ELAPOR2: variants seen among roughly 807,000 people sequenced by gnomAD.
ELAPOR2 encodes endosome/lysosome-associated apoptosis and autophagy regulator family member 2.
Under a neutral mutation model 120.7 loss-of-function variants are expected in ELAPOR2, and 89 were observed. That is an observed-to-expected ratio of 0.74 (90% CI 0.62 to 0.88). ELAPOR2 has a LOEUF of 0.88. Among genes scored for constraint, ELAPOR2 ranks in the 40% least tolerant of loss-of-function variants. The pLI is 0.00. For synonymous variants in ELAPOR2, 444 were observed against 444.9 expected (o/e 1.00, Z 0.03); for missense variants, 1,134 against 1,251.6 (o/e 0.91, Z 1.42).
intron 1 of ELAPOR2, among the ~76,000 whole-genome samples, chr7:87,022,755 T>C: frequency 6.6e-6 from 1 of 150,772 alleles, no homozygotes; most frequent in African/African-American, 2.5e-5. Context: ...TTCCTGACTT[T>C]TTAATGATTG....
chr7:87,035,186 A>G (rs1022130237), intron 1 of ELAPOR2, among the ~76,000 whole-genome samples: 1 of 152,162 alleles, frequency 6.6e-6, no homozygotes. Flanking sequence ...TATACCCCTG[A>G]GCAGTCATTG....
At position 87,059,315 on chromosome 7, in the gene ELAPOR2, T is replaced by C. The variant is rs1416594336; in HGVS notation, c.189+10A>G. 3 of 1,248,124 alleles carry C rather than the reference T, an allele frequency of 2.4e-6. No individual in the cohort carries two copies. Among genetic ancestry groups the C allele is most frequent in the Non-Finnish European group, 3.0e-6 (3 of 988,442 alleles). The allele number at this position is 1,248,124 out of a possible 1,614,324, so 77.3% of individuals were successfully genotyped here. On this transcript the variant is annotated intron_variant, in intron 1 of 21. Coordinates refer to ENST00000450689, the MANE Select transcript of ELAPOR2 (RefSeq NM_001142749.3). ...AGCAAACTCCAGGTAGAGGACCAGG[T>C]GCTGCTCACCTCCTGGCAAGGAGGA...
chr7:87,000,479 ACT>A (rs1295277779), intron 1 of ELAPOR2, among the ~76,000 whole-genome samples: 1 of 152,070 alleles, frequency 6.6e-6, no homozygotes, highest in Non-Finnish European at 1.5e-5. Flanking sequence ...TCTGGCCCAG[ACT>A]CTGCGTCTGA....
chr7:87,050,398 T>C (rs1360890704), intron 1 of ELAPOR2, among the ~76,000 whole-genome samples: 5 of 152,020 alleles, frequency 3.3e-5, no homozygotes, highest in Non-Finnish European at 7.4e-5. Flanking sequence ...CATCTAAAAA[T>C]ATGTGGTACC....
intron 21 of ELAPOR2, among the ~76,000 whole-genome samples, chr7:86,888,987 G>A (rs1799822817): frequency 6.6e-6 from 1 of 152,074 alleles, no homozygotes; most frequent in Admixed American, 6.6e-5. Flanking sequence ...CTAAAAACAT[G>A]ATAACTTACA....
chr7:86,954,733 C>T (rs1040959885), intron 2 of ELAPOR2, among the ~76,000 whole-genome samples: 79 of 151,908 alleles, frequency 5.2e-4, no homozygotes, highest in African/African-American at 1.7e-3. Flanking sequence ...TTAATATCAG[C>T]TAAGTATAAT....
Position 86,914,751 on chromosome 7 carries a change from G to A in ELAPOR2, c.1703C>T (p.Ala568Val), listed in dbSNP as rs748523391. The change falls in exon 13 of 22, where the codon GCA becomes GTA. Residue 568 changes from alanine to valine, a missense_variant. Ala to Val is a moderately conservative substitution (Grantham distance 64, BLOSUM62 0). Coordinates refer to ENST00000450689, the MANE Select transcript of ELAPOR2 (RefSeq NM_001142749.3). Reference protein sequence around the residue: ...FKNATFTFTWAFQRTNQGQDN... With the variant: ...FKNATFTFTWVFQRTNQGQDN... ...TTGACCCTGATTAGTTCTCTGGAAT[G>A]CCCATGTAAATGTAAAAGTTGCATT... 3.7e-6 allele frequency: 6 copies of A among 1,611,570 alleles called. No individual in the cohort carries two copies. The South Asian group carries it at 6.6e-5, about 18-fold the overall frequency.
intron 1 of ELAPOR2, among the ~76,000 whole-genome samples, chr7:87,040,863 G>A (rs1310373092): frequency 6.6e-6 from 1 of 151,930 alleles, no homozygotes; most frequent in Non-Finnish European, 1.5e-5. Flanking sequence ...TGAAAACTTT[G>A]AAAAAAATTT....
At chr7:86,985,087 G>T (rs775612988) in intron 1 of ELAPOR2, among the ~76,000 whole-genome samples, 6 of 152,110 alleles carry the variant, frequency 3.9e-5, no homozygotes, top group Non-Finnish European at 8.8e-5. Flanking sequence ...AAATCTAGAA[G>T]AAATTGATAA....
intron 18 of ELAPOR2, among the ~76,000 whole-genome samples, chr7:86,906,303 G>T (rs1789012269): frequency 6.6e-6 from 1 of 152,038 alleles, no homozygotes. Flanking sequence ...GGCTGGCAGA[G>T]GGATCCTCTA....
At chr7:86,921,164 G>T (rs1255449829) in intron 10 of ELAPOR2, among the ~76,000 whole-genome samples, 1 of 152,082 alleles carries the variant, frequency 6.6e-6, no homozygotes, top group Non-Finnish European at 1.5e-5. Context: ...AACACTTGTT[G>T]TTATGCATTG....
chr7:87,008,207 T>C (rs542622850), intron 1 of ELAPOR2, among the ~76,000 whole-genome samples: 1 of 152,300 alleles, frequency 6.6e-6, no homozygotes, highest in East Asian at 1.9e-4. Flanking sequence ...GTCAAAAACA[T>C]ATAATGTCAA....
intron 1 of ELAPOR2, among the ~76,000 whole-genome samples, chr7:86,977,950 T>C (rs1792335142): frequency 6.6e-6 from 1 of 152,336 alleles, no homozygotes; most frequent in South Asian, 2.1e-4. Context: ...TCAATGGCAT[T>C]CTCTTTGTTC....
At chr7:86,887,057 C>T (rs1445104496) in intron 21 of ELAPOR2, among the ~76,000 whole-genome samples, 1 of 152,134 alleles carries the variant, frequency 6.6e-6, no homozygotes, top group African/African-American at 2.4e-5. Flanking sequence ...CAAGCTATTG[C>T]CAATGGCTGG....
In ELAPOR2 at chr7:86,918,432, G is replaced by A. The variant is rs374334901; in HGVS notation, c.1593+10C>T. ...AGAAATCTGCCTTTGAAAGCCGCCC[G>A]TCCACTTACCACCATGAAGTACAAA... On this transcript the variant is annotated intron_variant, in intron 12 of 21. Coordinates refer to ENST00000450689, the MANE Select transcript of ELAPOR2 (RefSeq NM_001142749.3). 172 of 1,572,296 alleles carry A rather than the reference G, an allele frequency of 1.1e-4. 1 individual carries two copies. Among genetic ancestry groups the A allele is most frequent in the Middle Eastern group, 6.7e-4 (4 of 5,944 alleles).
intron 4 of ELAPOR2, among the ~76,000 whole-genome samples, chr7:86,943,358 T>G (rs749507140): frequency 6.6e-6 from 1 of 151,946 alleles, no homozygotes; most frequent in Non-Finnish European, 1.5e-5. Context: ...AATTAAATAC[T>G]TTGTTGCTGT....
At chr7:86,949,806 G>A (rs138952665) in intron 2 of ELAPOR2, among the ~76,000 whole-genome samples, 16 of 152,350 alleles carry the variant, frequency 1.1e-4, no homozygotes, top group African/African-American at 3.4e-4. Context: ...CTGAAGCAGG[G>A]GCTGAAGGCA....
At chr7:86,957,367 C>T (rs1345706620) in intron 2 of ELAPOR2, among the ~76,000 whole-genome samples, 1 of 152,118 alleles carries the variant, frequency 6.6e-6, no homozygotes, top group African/African-American at 2.4e-5. Context: ...ACACTAAAGT[C>T]AATCTCTAAT....
At chr7:86,880,564 C>T (rs199678417) in intron 21 of ELAPOR2, 34 bp from the exon 22 acceptor site, 1 of 1,341,088 alleles carries the variant, frequency 7.5e-7, no homozygotes, top group Non-Finnish European at 1.1e-6. Flanking sequence ...AATCAACTCA[C>T]TGAAATTCTC....
Sources: allele counts gnomAD v4.1 joint callset (sites outside exome capture counted in the v4.1 genomes callset), GRCh38; gene constraint gnomAD v4.1.1; transcripts MANE v1.5; gene names NCBI Gene and HGNC (gene_info 2026-07-23, HGNC 2026-07-21).